Variants in LIPC observed in about 807,000 individuals in gnomAD.
The protein encoded by LIPC is lipase C, hepatic type.
In LIPC, 44 loss-of-function variants were observed where a neutral mutation model predicts 50.7. The observed-to-expected ratio is 0.87, with a 90% CI of 0.68 to 1.11. The LOEUF is 1.11. Among genes scored for constraint, LIPC ranks in the 50% most tolerant of loss-of-function variants. LIPC has a pLI of 0.00. For synonymous variants in LIPC, 271 were observed against 256.4 expected (o/e 1.06, Z -0.54); for missense variants, 697 against 648.2 (o/e 1.08, Z -0.82).
chr15:58,490,799 T>C (rs1891560282), intron 1 of LIPC, among the ~76,000 whole-genome samples: 1 of 152,178 alleles, frequency 6.6e-6, no homozygotes. Flanking sequence ...CCTGGTCGCT[T>C]CCGGCTCTGA....
chr15:58,467,412 C>T (rs548335944), intron 1 of LIPC, among the ~76,000 whole-genome samples: 1 of 152,144 alleles, frequency 6.6e-6, no homozygotes, highest in African/African-American at 2.4e-5. Context: ...GTTTCCGCTC[C>T]GTTGCTTATT....
intron 1 of LIPC, among the ~76,000 whole-genome samples, chr15:58,503,276 G>A (rs1453792974): frequency 6.6e-6 from 1 of 152,144 alleles, no homozygotes; most frequent in East Asian, 1.9e-4. Flanking sequence ...AAGAGAACTT[G>A]GTGGGTTCCT....
chr15:58,509,927 G>A (rs1173739888), intron 1 of LIPC, among the ~76,000 whole-genome samples: 1 of 150,780 alleles, frequency 6.6e-6, no homozygotes, highest in Admixed American at 6.6e-5. Flanking sequence ...TATAAGAAAG[G>A]GGTTTTTGTA....
chr15:58,521,486 G>C (rs1892649799), intron 1 of LIPC: 2 of 152,142 alleles, frequency 1.3e-5, no homozygotes, highest in Admixed American at 6.6e-5. Context: ...GAAGAGGAGA[G>C]AGGTTCCAAG....
intron 1 of LIPC, among the ~76,000 whole-genome samples, chr15:58,509,950 T>C (rs1399903433): frequency 3.6e-5 from 4 of 112,676 alleles, no homozygotes; most frequent in Admixed American, 1.9e-4. Context: ...ATTGGATCTA[T>C]TGAATCATTA....
intron 1 of LIPC, among the ~76,000 whole-genome samples, chr15:58,507,454 G>A (rs1398196852): frequency 2.6e-5 from 4 of 152,200 alleles, no homozygotes; most frequent in African/African-American, 7.2e-5. Context: ...TCAGTCATCT[G>A]CATAAGGTCT....
chr15:58,477,921 T>C (rs1891052716), intron 1 of LIPC, among the ~76,000 whole-genome samples: 1 of 152,102 alleles, frequency 6.6e-6, no homozygotes, highest in Admixed American at 6.5e-5. Context: ...CAAGTCCCTC[T>C]ATGATCTGAG....
At chr15:58,442,477 G>A (rs1052231656) in intron 1 of LIPC, among the ~76,000 whole-genome samples, 1 of 152,184 alleles carries the variant, frequency 6.6e-6, no homozygotes, top group African/African-American at 2.4e-5. Flanking sequence ...CTGACATGCA[G>A]CAGTGTTTGA....
At chr15:58,465,193 T>C (rs569308403) in intron 1 of LIPC, among the ~76,000 whole-genome samples, 1 of 152,262 alleles carries the variant, frequency 6.6e-6, no homozygotes, top group South Asian at 2.1e-4. Flanking sequence ...CCTACATCTG[T>C]CCATGTCACC....
chr15:58,440,884 C>T (rs1893484085), intron 1 of LIPC, among the ~76,000 whole-genome samples: 1 of 152,048 alleles, frequency 6.6e-6, no homozygotes, highest in South Asian at 2.1e-4. Flanking sequence ...GTTGGGAATT[C>T]TTGAGATTTT....
At chr15:58,525,507 T>C (rs1892776273) in intron 1 of LIPC, among the ~76,000 whole-genome samples, 1 of 152,226 alleles carries the variant, frequency 6.6e-6, no homozygotes, top group Admixed American at 6.5e-5. Context: ...GGCCAATATA[T>C]GCCTGCAGGC....
At chr15:58,547,210 G>A (rs948481719) in intron 5 of LIPC, among the ~76,000 whole-genome samples, 3 of 152,200 alleles carry the variant, frequency 2.0e-5, no homozygotes, top group Non-Finnish European at 4.4e-5. Context: ...CCCTGTGTTT[G>A]AAAGGGTTCC....
intron 1 of LIPC, among the ~76,000 whole-genome samples, chr15:58,503,905 A>C (rs545149406): frequency 4.7e-4 from 72 of 152,000 alleles, no homozygotes; most frequent in Non-Finnish European, 7.9e-4. Context: ...ACACCCACAC[A>C]CCCACACCCC....
At chr15:58,528,991 A>T (rs1219160447) in intron 1 of LIPC, among the ~76,000 whole-genome samples, 3 of 152,110 alleles carry the variant, frequency 2.0e-5, no homozygotes, top group African/African-American at 7.2e-5. Context: ...CAGGACTTGC[A>T]TATTCCTAGA....
intron 1 of LIPC, among the ~76,000 whole-genome samples, chr15:58,493,449 A>C (rs1344853663): frequency 6.6e-6 from 1 of 151,836 alleles, no homozygotes; most frequent in Non-Finnish European, 1.5e-5. Flanking sequence ...CACACATTAG[A>C]TCCTGCCATT....
rs1361774546 is a variant in LIPC, at chr15:58,443,400, G to A, written c.88+11280G>A. On this transcript the variant is annotated intron_variant, in intron 1 of 8. Transcript: ENST00000299022. ...CCCTCACATCTCAGCCTCCATCACT[G>A]CCCCTGGCTACCCAAAGTCAAGCCC... is the stretch of plus-strand genomic sequence containing the variant. Among the ~76,000 whole-genome samples the A allele has an allele frequency of 9.2e-5, 14 of 152,250 alleles. No individual in the cohort carries two copies. In the South Asian group the frequency reaches 2.1e-3, roughly 23 times the overall value.
intron 1 of LIPC, among the ~76,000 whole-genome samples, chr15:58,526,538 C>T (rs1271214320): frequency 6.6e-6 from 1 of 152,204 alleles, no homozygotes; most frequent in African/African-American, 2.4e-5. Context: ...AGGCTGAAAT[C>T]CTCACTCCAA....
At chr15:58,557,967 G>A (rs1278326315) in intron 6 of LIPC, among the ~76,000 whole-genome samples, 1 of 152,122 alleles carries the variant, frequency 6.6e-6, no homozygotes, top group Non-Finnish European at 1.5e-5. Flanking sequence ...AATAGTGTAA[G>A]ACCTCTCCAG....
chr15:58,503,643 A>T (rs1281080761), intron 1 of LIPC, among the ~76,000 whole-genome samples: 2 of 152,254 alleles, frequency 1.3e-5, no homozygotes, highest in African/African-American at 4.8e-5. Flanking sequence ...TGTGAAGGGC[A>T]GGGTTCCACT....
Sources: allele counts gnomAD v4.1 joint callset (sites outside exome capture counted in the v4.1 genomes callset), GRCh38; gene constraint gnomAD v4.1.1; transcripts MANE v1.5; gene names NCBI Gene and HGNC (gene_info 2026-07-23, HGNC 2026-07-21).